Variants in ANGPT1 observed in about 807,000 individuals in gnomAD.
ANGPT1 encodes angiopoietin-1.
ANGPT1 carries 17 observed loss-of-function variants against 62.2 expected under a neutral mutation model. The observed-to-expected ratio is 0.27, with a 90% CI of 0.19 to 0.41. The LOEUF (loss-of-function observed/expected upper bound fraction) is 0.41, where lower values mean the gene tolerates loss of function less well. ANGPT1 is among the 10% of genes least tolerant of loss of function. ANGPT1 has a pLI of 1.00. For missense variants in ANGPT1, 478 were observed against 594.9 expected, an observed-to-expected ratio of 0.80 and a Z score of 2.04; for synonymous variants, 199 against 198.9, an observed-to-expected ratio of 1.00 and a Z score of 0.00.
intron 2 of ANGPT1, among the ~76,000 whole-genome samples, chr8:107,344,308 C>T (rs1358605907): frequency 6.6e-6 from 1 of 152,144 alleles, no homozygotes; most frequent in Non-Finnish European, 1.5e-5. Flanking sequence ...ATTCCTCCTA[C>T]AAACCCCTTC....
chr8:107,347,199 A>G (rs1306147272), intron 1 of ANGPT1, 102 bp from the exon 2 acceptor site: 3 of 1,235,490 alleles, frequency 2.4e-6, no homozygotes, highest in Non-Finnish European at 3.4e-6. Flanking sequence ...CTGGCAAATC[A>G]GCCATCTGGC....
chr8:107,255,467 G>A (rs1813336876), intron 8 of ANGPT1, among the ~76,000 whole-genome samples: 1 of 152,188 alleles, frequency 6.6e-6, no homozygotes, highest in Non-Finnish European at 1.5e-5. Flanking sequence ...AGCCTGGAGA[G>A]CGCCGGAGCA....
intron 1 of ANGPT1, among the ~76,000 whole-genome samples, chr8:107,361,346 A>C (rs1816157034): frequency 6.6e-6 from 1 of 151,380 alleles, no homozygotes; most frequent in Non-Finnish European, 1.5e-5. Context: ...TTTTATCTCA[A>C]AAATGTTTTG....
At chr8:107,263,354 CAAAAAAAAAAAA>C (rs36190408) in intron 8 of ANGPT1, among the ~76,000 whole-genome samples, 2 of 91,280 alleles carry the variant, frequency 2.2e-5, no homozygotes, top group Non-Finnish European at 4.1e-5. Flanking sequence ...AACTCAGTTT[CAAAAAAAAAAAA>C]AAAAAAAAAA....
intron 1 of ANGPT1, among the ~76,000 whole-genome samples, chr8:107,379,174 A>G (rs1046070965): frequency 6.6e-6 from 1 of 152,130 alleles, no homozygotes; most frequent in Non-Finnish European, 1.5e-5. Context: ...GGGCCTGATA[A>G]TAAATGCAGA....
At chr8:107,383,907 A>C (rs1816684971) in intron 1 of ANGPT1, among the ~76,000 whole-genome samples, 1 of 152,104 alleles carries the variant, frequency 6.6e-6, no homozygotes. Context: ...TCCCTATAGT[A>C]CCTCACCTTT....
chr8:107,411,223 A>G (rs758480199), intron 1 of ANGPT1, among the ~76,000 whole-genome samples: 4 of 152,208 alleles, frequency 2.6e-5, no homozygotes, highest in Non-Finnish European at 4.4e-5. Context: ...CAATCTCTGC[A>G]AACACTAGCT....
intron 3 of ANGPT1, among the ~76,000 whole-genome samples, chr8:107,333,223 A>G (rs959083318): frequency 5.9e-5 from 9 of 152,144 alleles, no homozygotes; most frequent in Non-Finnish European, 1.2e-4. Flanking sequence ...TGTTCTGCCA[A>G]TACTCCATCA....
At chr8:107,396,167 T>G (rs1816929570) in intron 1 of ANGPT1, among the ~76,000 whole-genome samples, 1 of 152,206 alleles carries the variant, frequency 6.6e-6, no homozygotes, top group Non-Finnish European at 1.5e-5. Flanking sequence ...CTAAGGCTCT[T>G]GTCTACTTTG....
intron 1 of ANGPT1, among the ~76,000 whole-genome samples, chr8:107,433,988 C>CT (rs1411550581): frequency 6.6e-6 from 1 of 152,110 alleles, no homozygotes; most frequent in African/African-American, 2.4e-5. Context: ...TATCATAGTC[C>CT]TTATCTTTCC....
At chr8:107,455,320 G>A (rs950323564) in intron 1 of ANGPT1, among the ~76,000 whole-genome samples, 2 of 152,002 alleles carry the variant, frequency 1.3e-5, no homozygotes, top group Admixed American at 6.6e-5. Flanking sequence ...TTAGATGAGA[G>A]TATTTGTCTA....
intron 7 of ANGPT1, among the ~76,000 whole-genome samples, chr8:107,275,987 A>G (rs1184753899): frequency 6.6e-6 from 1 of 152,114 alleles, no homozygotes; most frequent in East Asian, 1.9e-4. Context: ...GACTCTAGAG[A>G]CTGACATTCA....
intron 6 of ANGPT1, among the ~76,000 whole-genome samples, chr8:107,289,055 C>A (rs575288698): frequency 7.2e-4 from 110 of 152,146 alleles, no homozygotes; most frequent in African/African-American, 2.5e-3. Context: ...GATACTATGC[C>A]ATGTACTTTT....
At chr8:107,261,355 T>A (rs1174543999) in intron 8 of ANGPT1, among the ~76,000 whole-genome samples, 1 of 152,090 alleles carries the variant, frequency 6.6e-6, no homozygotes, top group Admixed American at 6.5e-5. Context: ...TATAGGAGAC[T>A]TTTTAATATT....
At chr8:107,321,772 A>C (rs1285062410) in intron 4 of ANGPT1, 124 bp downstream of exon 4, 1 of 712,804 alleles carries the variant, frequency 1.4e-6, no homozygotes, top group Admixed American at 3.2e-5. Context: ...AATGATTCTA[A>C]CCATAAAGTT....
In ANGPT1 at chr8:107,448,972, T is replaced by C. The variant is rs559393719; in HGVS notation, c.297+48290A>G. On this transcript the variant is annotated intron_variant, in intron 1 of 8. Transcript: ENST00000517746. ...GGGTTCACAGGCTGAATTGACATGG[T>C]CTGACTCATTGTTGGGGGAGTGATG... Among the ~76,000 whole-genome samples the C allele has an allele frequency of 3.3e-5, 5 of 152,200 alleles. No individual in the cohort carries two copies. The East Asian group carries it at 9.7e-4, about 30-fold the overall frequency.
In ANGPT1 at chr8:107,299,422, A is replaced by ATATATATAC. The variant is rs1281291162; in HGVS notation, c.936+3817_936+3818insGTATATATA. Reference sequence around the variant, plus strand: ...ATATATATATATATATATATATATAAACATACATATATATACTAAGCATAT... The same window carrying ATATATATAC: ...ATATATATATATATATATATATATAATATATATACACATACATATATATACTAAGCATAT... On this transcript the variant is annotated intron_variant, in intron 5 of 8. Transcript: ENST00000517746. Among the ~76,000 whole-genome samples the ATATATATAC allele has an allele frequency of 2.9e-3, 341 of 116,090 alleles. 6 individuals are homozygous for ATATATATAC. Among genetic ancestry groups the ATATATATAC allele is most frequent in the African/African-American group, 9.9e-3 (321 of 32,398 alleles). The allele number at this position is 116,090 out of a possible 152,430, so 76.2% of individuals were successfully genotyped here. A position where few individuals can be genotyped will look rare whatever the true frequency, so the allele number is the denominator to read the frequency against.
At chr8:107,386,154 A>G (rs971103852) in intron 1 of ANGPT1, among the ~76,000 whole-genome samples, 52 of 152,118 alleles carry the variant, frequency 3.4e-4, no homozygotes, top group African/African-American at 1.1e-3. Context: ...CAGAAAAGCA[A>G]ACACTACATG....
intron 1 of ANGPT1, among the ~76,000 whole-genome samples, chr8:107,350,934 G>A (rs976149189): frequency 6.6e-6 from 1 of 152,104 alleles, no homozygotes; most frequent in Non-Finnish European, 1.5e-5. Context: ...TGCCATAGCA[G>A]CCAGGTTCAG....
Sources: allele counts gnomAD v4.1 joint callset (sites outside exome capture counted in the v4.1 genomes callset), GRCh38; gene constraint gnomAD v4.1.1; transcripts MANE v1.5; gene names NCBI Gene and HGNC (gene_info 2026-07-23, HGNC 2026-07-21).